Variants in CDH23 observed in about 807,000 individuals in gnomAD.
CDH23 encodes the protein cadherin related 23, also known as cadherin-23.
In CDH23, 189 loss-of-function variants were observed where a neutral mutation model predicts 317.1. The ratio of observed to expected loss-of-function variants is 0.60; its 90% CI spans 0.53 to 0.67. CDH23 has a LOEUF of 0.67. Ranked by LOEUF, CDH23 falls within the 30% of genes least tolerant of loss-of-function variation. The probability of loss-of-function intolerance (pLI) is 0.00; values close to 1 mark genes in which losing one functional copy is unlikely to be tolerated. For missense variants in CDH23, 4,401 were observed against 4,592.4 expected (o/e 0.96, Z 1.20); for synonymous variants, 1,839 against 1,876.8 (o/e 0.98, Z 0.52).
intron 22 of CDH23, among the ~76,000 whole-genome samples, chr10:71,698,165 G>A (rs1865461898): frequency 6.6e-6 from 1 of 152,160 alleles, no homozygotes; most frequent in African/African-American, 2.4e-5. Flanking sequence ...AGTTACGTAT[G>A]ATGATTGCCA....
intron 60 of CDH23, among the ~76,000 whole-genome samples, chr10:71,808,502 G>A (rs1471832164): frequency 6.6e-6 from 1 of 152,180 alleles, no homozygotes; most frequent in African/African-American, 2.4e-5. Context: ...CATTGTGTTA[G>A]GACTGGGGCA....
At chr10:71,451,764 G>A (rs1484690684) in intron 3 of CDH23, among the ~76,000 whole-genome samples, 1 of 152,230 alleles carries the variant, frequency 6.6e-6, no homozygotes, top group Non-Finnish European at 1.5e-5. Context: ...CCTCCAGGTG[G>A]CCTGGCCATC....
At chr10:71,617,555 G>A (rs1180858861) in intron 11 of CDH23, 162 bp downstream of exon 11, 2 of 1,474,972 alleles carry the variant, frequency 1.4e-6, no homozygotes, top group East Asian at 2.5e-5. Flanking sequence ...AAAATCACTA[G>A]TCTCTACTTT....
intron 1 of CDH23, among the ~76,000 whole-genome samples, chr10:71,411,818 A>G (rs1848356923): frequency 6.6e-6 from 1 of 152,240 alleles, no homozygotes; most frequent in South Asian, 2.1e-4. Flanking sequence ...TACATAACAT[A>G]AAATTTACCT....
rs564308326 is a variant in CDH23 at position 71,528,144 on chromosome 10, G to A, written c.429+16932G>A. Among the ~76,000 whole-genome samples, 3 of 152,298 alleles carry A rather than the reference G, an allele frequency of 2.0e-5. No homozygotes were observed. The South Asian group carries it at 6.2e-4, about 32-fold the overall frequency. ...CCAGGCCGTGGCCTGGCTGAATAAT[G>A]CCATCATGCCATGGCACTAAAAGGG... On this transcript the variant is annotated intron_variant, in intron 6 of 69. Coordinates refer to ENST00000224721, the MANE Select transcript of CDH23 (RefSeq NM_022124.6).
chr10:71,804,028 G>A (rs568540498), intron 55 of CDH23, among the ~76,000 whole-genome samples: 4 of 150,258 alleles, frequency 2.7e-5, no homozygotes, highest in South Asian at 2.1e-4. Flanking sequence ...TAACTCTATC[G>A]CTTATCAGCC....
intron 38 of CDH23, among the ~76,000 whole-genome samples, chr10:71,746,987 C>T (rs1409723998): frequency 6.6e-6 from 1 of 152,184 alleles, no homozygotes; most frequent in Non-Finnish European, 1.5e-5. Context: ...CTATTGTGAA[C>T]TCTGCTTCCC....
At chr10:71,749,395 C>T (rs1839935595) in intron 38 of CDH23, 1 of 152,238 alleles carries the variant, frequency 6.6e-6, no homozygotes, top group African/African-American at 2.4e-5. Flanking sequence ...CAGCCTTGAA[C>T]ACCTGGGCTT....
chr10:71,471,162 C>T (rs1433829086), intron 3 of CDH23, among the ~76,000 whole-genome samples: 1 of 152,084 alleles, frequency 6.6e-6, no homozygotes, highest in East Asian at 1.9e-4. Context: ...CAAGCTCATG[C>T]ACTCGCCCAC....
In CDH23 at chr10:71,647,178, T is replaced by C. The variant is rs1862934602; in HGVS notation, c.1449+561T>C. On this transcript the variant is annotated intron_variant, in intron 14 of 69. Transcript: ENST00000224721. ...ATGTAACTCAAAAGTATAAGTGATT[T>C]CAGGCCGGGCTCGGTGGCTCACGCC... The C allele has an allele frequency of 9.6e-6, 8 of 829,208 alleles. No individual in the cohort carries two copies. In the South Asian group the frequency reaches 3.3e-4, roughly 34 times the overall value. The allele number at this position is 829,208 out of a possible 1,614,324, so 51.4% of individuals were successfully genotyped here. A position where few individuals can be genotyped will look rare whatever the true frequency, so the allele number is the denominator to read the frequency against.
chr10:71,535,023 C>T (rs1855618371), intron 6 of CDH23, among the ~76,000 whole-genome samples: 1 of 152,256 alleles, frequency 6.6e-6, no homozygotes, highest in Admixed American at 6.5e-5. Context: ...GGGGGCTGGG[C>T]TCACTTTGCC....
At chr10:71,687,823 G>A in intron 19 of CDH23, 104 bp downstream of exon 19, 2 of 1,064,748 alleles carry the variant, frequency 1.9e-6, no homozygotes, top group South Asian at 2.7e-5. Context: ...ATTGTGGGAG[G>A]TCCATGGCCT....
At chr10:71,634,391 A>G (rs954202620) in intron 11 of CDH23, among the ~76,000 whole-genome samples, 1 of 152,184 alleles carries the variant, frequency 6.6e-6, no homozygotes, top group Admixed American at 6.5e-5. Context: ...CCCTGCCCCA[A>G]CCCCAGCCAA....
chr10:71,777,613 A>G lies in CDH23; in HGVS notation c.4846-67A>G, dbSNP rs1840844464. 4 of 1,407,240 alleles carry G rather than the reference A, an allele frequency of 2.8e-6. No individual in the cohort carries two copies. In the South Asian group the frequency reaches 3.7e-5, roughly 13 times the overall value. The allele number at this position is 1,407,240 out of a possible 1,614,324, so 87.2% of individuals were successfully genotyped here. On this transcript the variant is annotated intron_variant, in intron 38 of 69. Transcript: ENST00000224721. ...TGGAGTGAGTTCAGCCCAGGAGAAC[A>G]GCCATCTGGATCCACCTTGGTCCCT...
Position 71,741,780 on chromosome 10 carries a change from C to G in CDH23, c.4704C>G (p.Thr1568=), listed in dbSNP as rs186866326. 1 of 1,612,610 alleles carries G rather than the reference C, an allele frequency of 6.2e-7. No individual in the cohort carries two copies. The highest frequency in any genetic ancestry group is 1.3e-5 in the African/African-American group (1 of 74,922). The change falls in exon 38 of 70, where the codon ACC becomes ACG. Residue 1568 remains threonine (T), a synonymous_variant. Transcript: ENST00000224721. The part of the protein sequence containing the change: ...GINSVLSYYI[T]EGNKDMAFRM... Reference sequence around the variant, plus strand: ...ACAGTGTTCTGTCCTACTACATCACCGAGGGCAACAAGGACATGGCCTTCC... The same window carrying G: ...ACAGTGTTCTGTCCTACTACATCACGGAGGGCAACAAGGACATGGCCTTCC...
rs558281905 is a variant in CDH23 at position 71,791,255 on chromosome 10, C to A, written c.6173C>A (p.Thr2058Asn). 24 of 1,613,956 alleles carry A rather than the reference C, an allele frequency of 1.5e-5. No individual in the cohort carries two copies. The South Asian group carries it at 2.2e-4, about 15-fold the overall frequency. Residue 2058 changes from threonine to asparagine, a missense_variant, in exon 47 of 70, where the codon ACC (threonine) becomes AAC (asparagine). Transcript: ENST00000224721. Reference sequence around the variant, plus strand: ...AACAGCACGGCCCACCTGCTCATCACCATCCTGGATGACAATGACAACCGG... The same window carrying A: ...AACAGCACGGCCCACCTGCTCATCAACATCCTGGATGACAATGACAACCGG... ...LLNSTAHLLI[T>N]ILDDNDNRPT...
chr10:71,618,379 G>A (rs997394532), intron 11 of CDH23, among the ~76,000 whole-genome samples: 12 of 152,100 alleles, frequency 7.9e-5, no homozygotes, highest in Non-Finnish European at 1.3e-4. Flanking sequence ...GCAGGGCGGC[G>A]AGGCCTCTAT....
chr10:71,565,287 A>C (rs529895787), intron 6 of CDH23, among the ~76,000 whole-genome samples: 1 of 152,232 alleles, frequency 6.6e-6, no homozygotes, highest in South Asian at 2.1e-4. Context: ...GGCTGAAGGG[A>C]AAGGAGACGA....
At chr10:71,438,544 A>G (rs1009732359) in intron 1 of CDH23, among the ~76,000 whole-genome samples, 4 of 152,170 alleles carry the variant, frequency 2.6e-5, no homozygotes, top group African/African-American at 9.7e-5. Flanking sequence ...CACTGAGGAC[A>G]TGGGCTGAGA....
Sources: gnomAD v4.1 joint callset for allele counts (sites outside exome capture counted in the v4.1 genomes callset) on GRCh38, gnomAD v4.1.1 for gene constraint, MANE v1.5 for transcripts, NCBI Gene and HGNC (gene_info 2026-07-23, HGNC 2026-07-21) for gene names.